Variants in ZNF844 observed in about 807,000 individuals in gnomAD.
ZNF844 encodes the protein zinc finger protein 844.
In ZNF844, 11 loss-of-function variants were observed where a neutral mutation model predicts 11.4. That is an observed-to-expected ratio of 0.97 (90% CI 0.61 to 1.60). The LOEUF (loss-of-function observed/expected upper bound fraction) is 1.60, where lower values mean the gene tolerates loss of function less well. ZNF844 is among the 40% of genes most tolerant of loss of function. The probability of loss-of-function intolerance (pLI) is 0.00; values close to 1 mark genes in which losing one functional copy is unlikely to be tolerated. For synonymous variants in ZNF844, 248 were observed against 260.3 expected, an observed-to-expected ratio of 0.95 and a Z score of 0.46; for missense variants, 790 against 796.8, an observed-to-expected ratio of 0.99 and a Z score of 0.10.
rs1842263568 is a variant in ZNF844, at chr19:12,080,390, A to T, written c.*3269A>T. ...AAGAGAAGTCTGACAGGACAATAAA[A>T]TTTAGAAATGGAGTTGGAGGATGTC... On this transcript the variant is annotated 3_prime_UTR_variant, in exon 4 of 4. Coordinates refer to ENST00000439326, the MANE Select transcript of ZNF844 (RefSeq NM_001136501.3). The T allele has an allele frequency of 2.5e-6, 1 of 392,620 alleles. No individual in the cohort carries two copies. Among genetic ancestry groups the T allele is most frequent in the South Asian group, 1.9e-5 (1 of 53,880 alleles). 24.3% of individuals were successfully genotyped at this position (392,620 alleles called of 1,614,324 possible).
At chr19:12,066,719 T>C (rs1183465312) in intron 1 of ZNF844, among the ~76,000 whole-genome samples, 1 of 151,586 alleles carries the variant, frequency 6.6e-6, no homozygotes, top group Middle Eastern at 3.2e-3. Flanking sequence ...GCTAATTTTT[T>C]GTGTTTTTAG....
At position 12,075,358 on chromosome 19, in the gene ZNF844, T is replaced by C. The variant is rs370621001; in HGVS notation, c.238T>C (p.Cys80Arg). ...TGATGAAAATACAGAAGAAAATCAT[T>C]GTGGAGAAACTTCTAGCCAGATTCC... ...RVDENTEENH[C>R]GETSSQIPDD... is the part of the protein sequence containing the mutation. Residue 80 changes from cysteine to arginine, a missense_variant, in exon 4 of 4, where the codon TGT becomes CGT. Physicochemically the swap from Cys to Arg is radical, Grantham distance 180 (BLOSUM62 -3). Transcript: ENST00000439326. 3 of 1,521,950 alleles carry C rather than the reference T, an allele frequency of 2.0e-6. No individual in the cohort carries two copies. The African/African-American group carries it at 4.2e-5, about 21-fold the overall frequency. The allele number at this position is 1,521,950 out of a possible 1,614,324, so 94.3% of individuals were successfully genotyped here.
Position 12,075,694 on chromosome 19 carries a change from A to T in ZNF844, c.574A>T (p.Asn192Tyr). Residue 192 changes from asparagine to tyrosine, a missense_variant, in exon 4 of 4, where the codon AAT (asparagine) becomes TAT (tyrosine). Coordinates refer to ENST00000439326, the MANE Select transcript of ZNF844 (RefSeq NM_001136501.3). ...CATTCAAAGACACATGATAATGCACAATGGAGATGGAACTTATAAATGTAA... is the reference window on the plus strand; with the variant it reads ...CATTCAAAGACACATGATAATGCACTATGGAGATGGAACTTATAAATGTAA... The part of the protein sequence containing the change: ...SSIQRHMIMH[N>Y]GDGTYKCKFC... The T allele has an allele frequency of 6.2e-7, 1 of 1,613,690 alleles. No homozygotes were observed.
rs61413798 is a variant in ZNF844 at position 12,080,346 on chromosome 19, CAAAAAAAAAA to C, written c.*3236_*3245del. The C allele has an allele frequency of 3.5e-5, 6 of 173,078 alleles. No individual in the cohort carries two copies. Among genetic ancestry groups the C allele is most frequent in the East Asian group, 2.8e-4 (1 of 3,604 alleles). The allele number at this position is 173,078 out of a possible 1,614,324, so 10.7% of individuals were successfully genotyped here. On this transcript the variant is annotated 3_prime_UTR_variant, in exon 4 of 4. Transcript: ENST00000439326. ...GCGGCGACAGAGCAAGACTCCGTCT[CAAAAAAAAAA>C]AAAAAAAAAAGAGAAGTCTGACAGG...
Position 12,064,792 on chromosome 19 carries a change from C to T in ZNF844, c.-82C>T, listed in dbSNP as rs1685478204. On this transcript the variant is annotated 5_prime_UTR_variant, in exon 1 of 4. Coordinates refer to ENST00000439326, the MANE Select transcript of ZNF844 (RefSeq NM_001136501.3). The stretch of plus-strand genomic sequence containing the variant: ...CCGTTTTTCCTGCTCTGAGAGGGAC[C>T]GGTTGCCACCGCCATACTTCTGTCG... 2.0e-6 allele frequency: 3 copies of T among 1,481,492 alleles called. No homozygotes were observed. The highest frequency in any genetic ancestry group is 2.5e-5 in the South Asian group (2 of 80,406). The allele number at this position is 1,481,492 out of a possible 1,614,324, so 91.8% of individuals were successfully genotyped here. A position where few individuals can be genotyped will look rare whatever the true frequency, so the allele number is the denominator to read the frequency against.
Position 12,076,665 on chromosome 19 carries a change from G to A in ZNF844, c.1545G>A (p.Leu515=), listed in dbSNP as rs777410230. 1.2e-6 allele frequency: 2 copies of A among 1,612,080 alleles called. No individual in the cohort carries two copies. Among genetic ancestry groups the A allele is most frequent in the Non-Finnish European group, 1.7e-6 (2 of 1,179,360 alleles). ...GCAATGTGGGAAAGCCTTCACATCTGCCTCACACCTTCAAATGCATGAAAG... is the reference window on the plus strand; with the variant it reads ...GCAATGTGGGAAAGCCTTCACATCTACCTCACACCTTCAAATGCATGAAAG... The part of the protein sequence containing the change: ...SVSNVGKPSH[L]PHTFKCMKGL... Residue 515 remains leucine (L), a synonymous_variant, in exon 4 of 4, where the codon CTG becomes CTA. Transcript: ENST00000439326.
rs778913559 is a variant in ZNF844 at position 12,076,745 on chromosome 19, A to C, written c.1625A>C (p.Asp542Ala). ...MNLNNVKKPL[D>A]LSETFKFMKR... The stretch of plus-strand genomic sequence containing the variant: ...CTAAACAATGTGAAAAAACCTTTGG[A>C]TCTGTCAGAAACCTTCAAATTCATG... Residue 542 changes from aspartate (D) to alanine (A), a missense_variant, in exon 4 of 4, where the codon GAT (aspartate) becomes GCT (alanine). Physicochemically the swap from Asp to Ala is moderately radical, Grantham distance 126. Coordinates refer to ENST00000439326, the MANE Select transcript of ZNF844 (RefSeq NM_001136501.3). 1.3e-5 allele frequency: 21 copies of C among 1,603,884 alleles called. No individual in the cohort carries two copies. Among genetic ancestry groups the C allele is most frequent in the Middle Eastern group, 1.6e-4 (1 of 6,070 alleles).
At chr19:12,066,552 T>TTG (rs1555717635) in intron 1 of ZNF844, among the ~76,000 whole-genome samples, 7 of 134,766 alleles carry the variant, frequency 5.2e-5, no homozygotes, top group African/African-American at 1.5e-4. Context: ...TTTTTTTTTT[T>TTG]TTGTTGTTGT....
Position 12,076,256 on chromosome 19 carries a change from T to C in ZNF844, c.1136T>C (p.Phe379Ser). 1 of 1,612,388 alleles carries C rather than the reference T, an allele frequency of 6.2e-7. No homozygotes were observed. Among genetic ancestry groups the C allele is most frequent in the South Asian group, 1.1e-5 (1 of 90,860 alleles). Residue 379 changes from phenylalanine (F) to serine (S), a missense_variant, in exon 4 of 4, where the codon TTT becomes TCT. Physicochemically the swap from Phe to Ser is radical, Grantham distance 155 (BLOSUM62 -2). This residue lies in a region of ZNF844 where 657 missense variants were observed against 636.2 expected (regional missense o/e 1.03). Transcript: ENST00000439326. Reference sequence around the variant, plus strand: ...AAGCCTTTGATTCTCCCAGTTCGTTTTGAAGACATGAAAGAACTCACACTG... The same window carrying C: ...AAGCCTTTGATTCTCCCAGTTCGTTCTGAAGACATGAAAGAACTCACACTG... ...VEKPLILPVR[F>S]EDMKELTLER...
chr19:12,067,734 G>A (rs1043272133), intron 1 of ZNF844, among the ~76,000 whole-genome samples: 3 of 150,918 alleles, frequency 2.0e-5, no homozygotes, highest in African/African-American at 7.3e-5. Flanking sequence ...GGCACACACA[G>A]TGGAACTCCG....
Position 12,076,271 on chromosome 19 carries a change from A to T in ZNF844, c.1151A>T (p.Glu384Val). Residue 384 changes from glutamate to valine, a missense_variant, in exon 4 of 4, where the codon GAA (glutamate) becomes GTA (valine). By Grantham distance (121) the Glu-to-Val change is moderately radical. This residue lies in a region of ZNF844 where 657 missense variants were observed against 636.2 expected (regional missense o/e 1.03). Transcript: ENST00000439326. ...CCAGTTCGTTTTGAAGACATGAAAG[A>T]ACTCACACTGGAGAGAAACCTTATG... ...ILPVRFEDMK[E>V]LTLERNLMNA... 3 of 1,613,434 alleles carry T rather than the reference A, an allele frequency of 1.9e-6. No homozygotes were observed. Among genetic ancestry groups the T allele is most frequent in the Non-Finnish European group, 2.5e-6 (3 of 1,179,696 alleles).
At chr19:12,070,926 CAACTT>C (rs1298380029) in intron 1 of ZNF844, among the ~76,000 whole-genome samples, 1 of 152,098 alleles carries the variant, frequency 6.6e-6, no homozygotes, top group Non-Finnish European at 1.5e-5. Context: ...ATGAGGGAAA[CAACTT>C]GATTAGATAT....
At position 12,064,761 on chromosome 19, in the gene ZNF844, GGCACCCCGTTTTTCCT is replaced by G; in HGVS notation, c.-110_-95del. 8.5e-7 allele frequency: 1 copy of G among 1,176,976 alleles called. No homozygotes were observed. The highest frequency in any genetic ancestry group is 1.2e-6 in the Non-Finnish European group (1 of 835,316). The allele number at this position is 1,176,976 out of a possible 1,614,324, so 72.9% of individuals were successfully genotyped here. A position where few individuals can be genotyped will look rare whatever the true frequency, so the allele number is the denominator to read the frequency against. On this transcript the variant is annotated 5_prime_UTR_variant, in exon 1 of 4. Transcript: ENST00000439326. ...TTGGCCCCTCCCGCCGGGTGAGGTT[GGCACCCCGTTTTTCCT>G]GCTCTGAGAGGGACCGGTTGCCACC...
chr19:12,075,737 GC>G lies in ZNF844; in HGVS notation c.620del (p.Pro207LeufsTer123), dbSNP rs779562062. The stretch of plus-strand genomic sequence containing the variant: ...AAATGTAAGTTTTGTGGGAAAGCCT[GC>G]CCTTGTCTCAGCATATATCTTATAC... ...TYKCKFCGKA[C>X]PCLSIYLIHE... On this transcript the variant is annotated frameshift_variant, in exon 4 of 4. Transcript: ENST00000439326. LOFTEE classifies it low-confidence loss of function (END_TRUNC). The G allele has an allele frequency of 5.0e-6, 8 of 1,613,792 alleles. No individual in the cohort carries two copies. Among genetic ancestry groups the G allele is most frequent in the Middle Eastern group, 1.6e-4 (1 of 6,084 alleles).
Position 12,076,274 on chromosome 19 carries a change from T to A in ZNF844, c.1154T>A (p.Leu385His). Residue 385 changes from leucine (L) to histidine (H), a missense_variant, in exon 4 of 4, where the codon CTC becomes CAC. This residue lies in a region of ZNF844 where 657 missense variants were observed against 636.2 expected (regional missense o/e 1.03). Transcript: ENST00000439326. ...LPVRFEDMKE[L>H]TLERNLMNAS... ...GTTCGTTTTGAAGACATGAAAGAAC[T>A]CACACTGGAGAGAAACCTTATGAAT... The A allele has an allele frequency of 6.2e-7, 1 of 1,613,502 alleles. No homozygotes were observed. Among genetic ancestry groups the A allele is most frequent in the South Asian group, 1.1e-5 (1 of 90,956 alleles).
intron 1 of ZNF844, among the ~76,000 whole-genome samples, chr19:12,070,833 A>C (rs965522945): frequency 3.2e-4 from 49 of 152,206 alleles, no homozygotes; most frequent in African/African-American, 1.1e-3. Flanking sequence ...AGACAATTAT[A>C]TCTAAAGAGC....
At position 12,076,961 on chromosome 19, in the gene ZNF844, T is replaced by G; in HGVS notation, c.1841T>G (p.Met614Arg). ...MQEHTLERNPMNVRNAEKRSI... is the reference protein window; with the variant it reads ...MQEHTLERNPRNVRNAEKRSI... Reference sequence around the variant, plus strand: ...GAACACACCCTGGAGAGAAACCCTATGAATGTAAGGAATGCGGAAAAGCGT... The same window carrying G: ...GAACACACCCTGGAGAGAAACCCTAGGAATGTAAGGAATGCGGAAAAGCGT... Residue 614 changes from methionine to arginine, a missense_variant, in exon 4 of 4, where the codon ATG becomes AGG. By Grantham distance (91) the Met-to-Arg change is moderately conservative. Around this residue, in one of 3 missense-constraint regions of ZNF844, gnomAD observed 657 missense variants for 636.2 expected, o/e 1.03. Coordinates refer to ENST00000439326, the MANE Select transcript of ZNF844 (RefSeq NM_001136501.3). The G allele has an allele frequency of 6.2e-7, 1 of 1,603,284 alleles. No homozygotes were observed. Among genetic ancestry groups the G allele is most frequent in the Non-Finnish European group, 8.5e-7 (1 of 1,174,580 alleles).
chr19:12,067,607 CAAAAAAAAAAAAAAA>C (rs772282496), intron 1 of ZNF844, among the ~76,000 whole-genome samples: 4 of 37,428 alleles, frequency 1.1e-4, no homozygotes, highest in Non-Finnish European at 1.3e-4. Context: ...AACTCTGTCT[CAAAAAAAAAAAAAAA>C]AAAAAAAAAA....
In ZNF844 at chr19:12,067,957, A is replaced by ACGG. The variant is rs1172964308; in HGVS notation, c.3+3081_3+3082insCGG. ...GAAAGAAAGAAAGAAGGAAAGAAGG[A>ACGG]AAGAAGGAAGGAAGGAAGGAAGGAA... On this transcript the variant is annotated intron_variant, in intron 1 of 3. Transcript: ENST00000439326. Among the ~76,000 whole-genome samples the ACGG allele has an allele frequency of 6.3e-5, 9 of 142,224 alleles. 1 individual carries two copies. The highest frequency in any genetic ancestry group is 7.0e-5 in the Admixed American group (1 of 14,188). The allele number at this position is 142,224 out of a possible 152,430, so 93.3% of individuals were successfully genotyped here.
Sources: allele counts gnomAD v4.1 joint callset (sites outside exome capture counted in the v4.1 genomes callset), GRCh38; gene constraint gnomAD v4.1.1; regional missense constraint gnomAD v4.1.1; transcripts MANE v1.5; gene names NCBI Gene and HGNC (gene_info 2026-07-23, HGNC 2026-07-21).